The following METAP1 variants were observed in gnomAD, a reference collection of about 807,000 sequenced individuals.
The protein encoded by METAP1 is methionine aminopeptidase 1.
A neutral mutation model predicts 53.8 loss-of-function variants in METAP1; 28 were observed. That is an observed-to-expected ratio of 0.52 (90% CI 0.39 to 0.71). METAP1 has a LOEUF of 0.71. METAP1 is among the 30% of genes least tolerant of loss of function. The probability of loss-of-function intolerance (pLI) is 0.00; values close to 1 mark genes in which losing one functional copy is unlikely to be tolerated. For synonymous variants in METAP1, 181 were observed against 165.7 expected (o/e 1.09, Z -0.71); for missense variants, 389 against 479.8 (o/e 0.81, Z 1.77).
chr4:99,040,914 A>T, intron 5 of METAP1, 129 bp from the exon 6 acceptor site: 1 of 325,430 alleles, frequency 3.1e-6, no homozygotes, highest in Non-Finnish European at 5.4e-6. Context: ...ATATTTATAT[A>T]TTTTCTATAA....
intron 1 of METAP1, chr4:99,022,393 T>C: frequency 2.5e-6 from 2 of 787,426 alleles, no homozygotes; most frequent in Non-Finnish European, 3.8e-6. Context: ...GAGTGCTTTG[T>C]TGGAGTGGGC....
chr4:99,028,730 C>T, intron 1 of METAP1, 137 bp from the exon 2 acceptor site: 1 of 526,984 alleles, frequency 1.9e-6, no homozygotes, highest in South Asian at 4.1e-5. Context: ...AAGCTTTTCC[C>T]AAATATTTAA....
Position 99,012,870 on chromosome 4 carries a change from G to A in METAP1, c.115-15997G>A, listed in dbSNP as rs908711651. ...GTGTGCACTAGTTTGGTCCGCAAAG[G>A]TGGGACAACTTGAAGTGGGGTCTTC... On this transcript the variant is annotated intron_variant, in intron 1 of 10. Coordinates refer to ENST00000296411, the MANE Select transcript of METAP1 (RefSeq NM_015143.3). 3.3e-5 allele frequency among the ~76,000 whole-genome samples: 5 copies of A among 152,178 alleles called. No homozygotes were observed. In the East Asian group the frequency reaches 9.7e-4, roughly 29 times the overall value.
chr4:99,028,473 G>T (rs527713685), intron 1 of METAP1, among the ~76,000 whole-genome samples: 4 of 152,226 alleles, frequency 2.6e-5, no homozygotes, highest in Non-Finnish European at 4.4e-5. Context: ...TTTAGTGTGT[G>T]TATGACTGAT....
intron 1 of METAP1, among the ~76,000 whole-genome samples, chr4:99,027,552 C>A (rs1378523849): frequency 1.3e-5 from 2 of 151,840 alleles, no homozygotes; most frequent in African/African-American, 2.4e-5. Flanking sequence ...TCACCCCCCC[C>A]CCGCCTTTGT....
chr4:99,013,178 T>A (rs1434390903), intron 1 of METAP1, among the ~76,000 whole-genome samples: 2 of 152,248 alleles, frequency 1.3e-5, no homozygotes, highest in African/African-American at 4.8e-5. Context: ...TTACCTATTT[T>A]TTTAAAACCT....
At chr4:99,053,380 A>G (rs747661076) in intron 9 of METAP1, among the ~76,000 whole-genome samples, 1 of 152,054 alleles carries the variant, frequency 6.6e-6, no homozygotes, top group Non-Finnish European at 1.5e-5. Context: ...CTCCTGAGTA[A>G]CTGGGATTAC....
chr4:99,056,279 A>G (rs1727112392), intron 9 of METAP1, among the ~76,000 whole-genome samples: 1 of 152,190 alleles, frequency 6.6e-6, no homozygotes, highest in South Asian at 2.1e-4. Context: ...TACCCTTATT[A>G]GGTTTTGTTT....
chr4:99,013,591 G>A (rs1472536809), intron 1 of METAP1, among the ~76,000 whole-genome samples: 1 of 152,210 alleles, frequency 6.6e-6, no homozygotes, highest in Non-Finnish European at 1.5e-5. Context: ...TTTACATCCT[G>A]ATGCAATCCC....
chr4:99,024,446 G>T (rs945193509), intron 1 of METAP1, among the ~76,000 whole-genome samples: 7 of 152,148 alleles, frequency 4.6e-5, no homozygotes, highest in Non-Finnish European at 7.3e-5. Flanking sequence ...TTTGGTTGGG[G>T]GGTGGGCAGT....
At chr4:99,055,821 C>T (rs976084333) in intron 9 of METAP1, among the ~76,000 whole-genome samples, 3 of 152,156 alleles carry the variant, frequency 2.0e-5, no homozygotes, top group African/African-American at 4.8e-5. Flanking sequence ...ACATTCTTGA[C>T]GTTTTCTTTT....
intron 5 of METAP1, among the ~76,000 whole-genome samples, chr4:99,040,437 A>G (rs746794756): frequency 4.0e-5 from 6 of 150,376 alleles, no homozygotes; most frequent in Admixed American, 1.3e-4. Flanking sequence ...TTCTCTTCCT[A>G]TGACTTGCTG....
At position 99,035,432 on chromosome 4, in the gene METAP1, A is replaced by C; in HGVS notation, c.312A>C (p.Gln104His). ...MPTRPVPSYI[Q>H]RPDYADHPLG... is the part of the protein sequence containing the mutation. The stretch of plus-strand genomic sequence containing the variant: ...CAAGGCCAGTGCCAAGTTATATTCA[A>C]AGACCAGATTATGCTGATCATCCCT... Residue 104 changes from glutamine to histidine, a missense_variant, in exon 4 of 11, where the codon CAA becomes CAC. Coordinates refer to ENST00000296411, the MANE Select transcript of METAP1 (RefSeq NM_015143.3). The C allele has an allele frequency of 1.3e-6, 2 of 1,549,040 alleles. No individual in the cohort carries two copies. Among genetic ancestry groups the C allele is most frequent in the Non-Finnish European group, 1.7e-6 (2 of 1,144,764 alleles).
intron 9 of METAP1, among the ~76,000 whole-genome samples, chr4:99,049,326 A>C (rs191797461): frequency 2.4e-4 from 37 of 152,316 alleles, no homozygotes; most frequent in African/African-American, 7.9e-4. Context: ...GGGAAAACGT[A>C]ATCTAATTGT....
At chr4:99,018,386 G>A (rs1438606323) in intron 1 of METAP1, among the ~76,000 whole-genome samples, 2 of 152,090 alleles carry the variant, frequency 1.3e-5, no homozygotes, top group African/African-American at 4.8e-5. Context: ...CCATATATAG[G>A]ATTAATTGTA....
At position 99,029,253 on chromosome 4, in the gene METAP1, G is replaced by A. The variant is rs546132244; in HGVS notation, c.166+335G>A. On this transcript the variant is annotated intron_variant, in intron 2 of 10. Transcript: ENST00000296411. ...CATATTGTAGTCAGGGATTATGTGA[G>A]TGATTTGGCTTCATTTAACCAGATT... 2.6e-5 allele frequency among the ~76,000 whole-genome samples: 4 copies of A among 152,264 alleles called. No individual in the cohort carries two copies. In the South Asian group the frequency reaches 6.2e-4, roughly 24 times the overall value.
At chr4:99,043,478 T>C in intron 7 of METAP1, 91 bp downstream of exon 7, 1 of 1,328,526 alleles carries the variant, frequency 7.5e-7, no homozygotes, top group Non-Finnish European at 1.0e-6. Flanking sequence ...TTGACTTGCT[T>C]CCTGTACTTA....
At chr4:99,002,636 C>T (rs774060276) in intron 1 of METAP1, among the ~76,000 whole-genome samples, 1 of 152,104 alleles carries the variant, frequency 6.6e-6, no homozygotes, top group African/African-American at 2.4e-5. Context: ...AGGATAGGGA[C>T]CCCATGGAAC....
chr4:99,045,301 A>G lies in METAP1; in HGVS notation c.778A>G (p.Ile260Val). 6.2e-7 allele frequency: 1 copy of G among 1,613,676 alleles called. No homozygotes were observed. The highest frequency in any genetic ancestry group is 1.1e-5 in the South Asian group (1 of 91,052). ...CACATATGAGTGCCTGATGCAAGCC[A>G]TTGATGCAGGTCAGCCTCAGTGTTG... ...QTTYECLMQAIDAVKPGVRYR... is the reference protein window; with the variant it reads ...QTTYECLMQAVDAVKPGVRYR... Residue 260 changes from isoleucine (I) to valine (V), a missense_variant, in exon 8 of 11, where the codon ATT becomes GTT. By Grantham distance (29) the Ile-to-Val change is conservative. Transcript: ENST00000296411.
Sources: gnomAD v4.1 joint callset for allele counts (sites outside exome capture counted in the v4.1 genomes callset) on GRCh38, gnomAD v4.1.1 for gene constraint, MANE v1.5 for transcripts, NCBI Gene and HGNC (gene_info 2026-07-23, HGNC 2026-07-21) for gene names.